The following TCF7L1 variants were observed in gnomAD, a reference collection of about 807,000 sequenced individuals.
The protein encoded by TCF7L1 is transcription factor 7-like 1.
A neutral mutation model predicts 63.7 loss-of-function variants in TCF7L1; 18 were observed. That is an observed-to-expected ratio of 0.28 (90% CI 0.20 to 0.42). TCF7L1 has a LOEUF of 0.42. Among genes scored for constraint, TCF7L1 ranks in the 10% least tolerant of loss-of-function variants. The pLI is 1.00. For synonymous variants in TCF7L1, 355 were observed against 340.9 expected, an observed-to-expected ratio of 1.04 and a Z score of -0.46; for missense variants, 654 against 779.3, an observed-to-expected ratio of 0.84 and a Z score of 1.91.
intron 3 of TCF7L1, among the ~76,000 whole-genome samples, chr2:85,243,786 G>T (rs531063692): frequency 1.5e-4 from 23 of 152,238 alleles, no homozygotes; most frequent in African/African-American, 5.3e-4. Flanking sequence ...CTTAGAAAGG[G>T]CCGGGTATTC....
At chr2:85,201,025 A>G (rs943177872) in intron 3 of TCF7L1, among the ~76,000 whole-genome samples, 3 of 152,054 alleles carry the variant, frequency 2.0e-5, no homozygotes, top group Non-Finnish European at 2.9e-5. Context: ...ACATGGTGAA[A>G]CCCTGTCTCT....
At chr2:85,253,624 A>G (rs1002636746) in intron 3 of TCF7L1, among the ~76,000 whole-genome samples, 1 of 152,222 alleles carries the variant, frequency 6.6e-6, no homozygotes, top group African/African-American at 2.4e-5. Flanking sequence ...AGGCAGGGAA[A>G]GGTTAGTGTC....
intron 3 of TCF7L1, among the ~76,000 whole-genome samples, chr2:85,217,721 G>A (rs1229620255): frequency 6.6e-6 from 1 of 152,138 alleles, no homozygotes; most frequent in Non-Finnish European, 1.5e-5. Context: ...CAAAATGTTT[G>A]GGGCCAGAAG....
chr2:85,260,252 ATT>A (rs1680828987), intron 3 of TCF7L1, among the ~76,000 whole-genome samples: 1 of 152,158 alleles, frequency 6.6e-6, no homozygotes, highest in Admixed American at 6.5e-5. Context: ...GCCCTTCTCT[ATT>A]TAATCTTGGT....
At chr2:85,192,756 C>G (rs1483287443) in intron 3 of TCF7L1, among the ~76,000 whole-genome samples, 1 of 151,320 alleles carries the variant, frequency 6.6e-6, no homozygotes. Context: ...CTCATTGCAA[C>G]CTTGAACTCC....
At chr2:85,260,405 G>A (rs1484469815) in intron 3 of TCF7L1, among the ~76,000 whole-genome samples, 4 of 152,048 alleles carry the variant, frequency 2.6e-5, no homozygotes, top group Admixed American at 6.5e-5. Flanking sequence ...GGGAGGTTGA[G>A]GCGGGCAGAT....
At chr2:85,152,435 C>T (rs1285022251) in intron 3 of TCF7L1, among the ~76,000 whole-genome samples, 1 of 131,342 alleles carries the variant, frequency 7.6e-6, no homozygotes, top group Non-Finnish European at 1.6e-5. Flanking sequence ...TTCTCTCTCT[C>T]TCTTTTTTTT....
At chr2:85,168,136 G>T (rs1262221285) in intron 3 of TCF7L1, among the ~76,000 whole-genome samples, 1 of 151,768 alleles carries the variant, frequency 6.6e-6, no homozygotes, top group African/African-American at 2.4e-5. Flanking sequence ...ATGGTTTAGA[G>T]TTGGGCACTT....
chr2:85,134,424 C>T lies in TCF7L1; in HGVS notation c.415C>T (p.Pro139Ser). 3 of 1,560,344 alleles carry T rather than the reference C, an allele frequency of 1.9e-6. No homozygotes were observed. Among genetic ancestry groups the T allele is most frequent in the South Asian group, 1.2e-5 (1 of 84,798 alleles). ...DLSSPYLSNG[P>S]LSPGGARTYL... ...GAGCAGCCCGTACCTCTCCAACGGA[C>T]CCCTGTCTCCCGGAGGAGCGCGCAC... The change falls in exon 3 of 12, where the codon CCC becomes TCC. Residue 139 changes from proline to serine, a missense_variant. Pro to Ser is a moderately conservative substitution (Grantham distance 74, BLOSUM62 -1). This residue lies in a region of TCF7L1 where 404 missense variants were observed against 454.8 expected (regional missense o/e 0.89). Coordinates refer to ENST00000282111, the MANE Select transcript of TCF7L1 (RefSeq NM_031283.3). The surrounding 1 kb of genome is among the most constrained non-coding windows in gnomAD (Gnocchi z 5.0).
intron 3 of TCF7L1, among the ~76,000 whole-genome samples, chr2:85,232,705 C>T (rs1368918190): frequency 6.6e-6 from 1 of 152,156 alleles, no homozygotes; most frequent in African/African-American, 2.4e-5. Context: ...AGAGCAAGAT[C>T]TCAAAAAATA....
intron 3 of TCF7L1, among the ~76,000 whole-genome samples, chr2:85,150,389 A>G (rs1385875145): frequency 1.3e-5 from 2 of 152,000 alleles, no homozygotes; most frequent in Non-Finnish European, 2.9e-5. Flanking sequence ...GCCCGCCACC[A>G]CGCCTGGCTA....
chr2:85,174,308 A>T (rs1426895916), intron 3 of TCF7L1, among the ~76,000 whole-genome samples: 2 of 152,174 alleles, frequency 1.3e-5, no homozygotes, highest in Non-Finnish European at 2.9e-5. Context: ...GGTGTGTATC[A>T]GCACTTCCTC....
intron 3 of TCF7L1, among the ~76,000 whole-genome samples, chr2:85,138,363 T>C (rs1170726861): frequency 6.6e-6 from 1 of 152,182 alleles, no homozygotes; most frequent in Admixed American, 6.6e-5. Flanking sequence ...TTTGTATGTA[T>C]ATGTATGAAG....
chr2:85,149,238 T>A (rs1192305717), intron 3 of TCF7L1, among the ~76,000 whole-genome samples: 1 of 150,970 alleles, frequency 6.6e-6, no homozygotes, highest in Non-Finnish European at 1.5e-5. Flanking sequence ...ATTGCCAGTT[T>A]GTGTGAGTTC....
chr2:85,143,332 A>G (rs887009119), intron 3 of TCF7L1, among the ~76,000 whole-genome samples: 1 of 152,248 alleles, frequency 6.6e-6, no homozygotes. Flanking sequence ...ACTAATTAAT[A>G]CAAGAATCAT....
intron 3 of TCF7L1, among the ~76,000 whole-genome samples, chr2:85,218,443 A>T (rs938338672): frequency 1.3e-5 from 2 of 151,938 alleles, no homozygotes; most frequent in African/African-American, 4.8e-5. Context: ...TTTTGAAGAG[A>T]TGGGGTTTCA....
intron 3 of TCF7L1, among the ~76,000 whole-genome samples, chr2:85,203,049 A>G (rs1038980220): frequency 2.6e-5 from 4 of 152,168 alleles, no homozygotes; most frequent in South Asian, 2.1e-4. Flanking sequence ...GTTAGCCAGG[A>G]TGGTCTTGAT....
At chr2:85,210,570 A>C (rs772168581) in intron 3 of TCF7L1, among the ~76,000 whole-genome samples, 22 of 152,202 alleles carry the variant, frequency 1.4e-4, no homozygotes, top group Admixed American at 6.5e-4. Context: ...CAGGGGAGGA[A>C]GAGGTTTCAC....
chr2:85,158,376 A>G (rs1678200424), intron 3 of TCF7L1, among the ~76,000 whole-genome samples: 1 of 152,154 alleles, frequency 6.6e-6, no homozygotes, highest in Non-Finnish European at 1.5e-5. Context: ...GACCATGCAC[A>G]TGACTCCGTG....
Sources: allele counts gnomAD v4.1 joint callset (sites outside exome capture counted in the v4.1 genomes callset), GRCh38; gene constraint gnomAD v4.1.1; regional missense constraint gnomAD v4.1.1; non-coding constraint Gnocchi (gnomAD v3.1); transcripts MANE v1.5; gene names NCBI Gene and HGNC (gene_info 2026-07-23, HGNC 2026-07-21).